Variants in CRPPA observed in about 807,000 individuals in gnomAD.
The protein encoded by CRPPA is D-ribitol-5-phosphate cytidylyltransferase.
Under a neutral mutation model 52.0 loss-of-function variants are expected in CRPPA, and 43 were observed. The observed-to-expected ratio is 0.83, with a 90% confidence interval of 0.65 to 1.07. The LOEUF (loss-of-function observed/expected upper bound fraction) is 1.07, where lower values mean the gene tolerates loss of function less well. CRPPA is among the 50% of genes least tolerant of loss of function. The pLI is 0.00. For missense variants in CRPPA, 629 were observed against 551.7 expected, an observed-to-expected ratio of 1.14 and a Z score of -1.40; for synonymous variants, 250 against 203.5, an observed-to-expected ratio of 1.23 and a Z score of -1.94.
chr7:16,253,766 A>G (rs1467520803), intron 8 of CRPPA, among the ~76,000 whole-genome samples: 1 of 152,200 alleles, frequency 6.6e-6, no homozygotes, highest in African/African-American at 2.4e-5. Context: ...GAGCTTCTGC[A>G]CAGCAAAAGA....
At chr7:16,123,380 C>T (rs1394802810) in intron 9 of CRPPA, among the ~76,000 whole-genome samples, 2 of 151,994 alleles carry the variant, frequency 1.3e-5, no homozygotes, top group Non-Finnish European at 2.9e-5. Flanking sequence ...ATAAGAGACT[C>T]AAATTTCAGA....
At chr7:16,344,511 T>C (rs1453031362) in intron 3 of CRPPA, among the ~76,000 whole-genome samples, 2 of 151,738 alleles carry the variant, frequency 1.3e-5, no homozygotes, top group African/African-American at 4.8e-5. Flanking sequence ...CAGTGAATTA[T>C]GATCATGCCA....
chr7:16,198,159 AG>A (rs1781777444), intron 9 of CRPPA, among the ~76,000 whole-genome samples: 1 of 43,406 alleles, frequency 2.3e-5, no homozygotes, highest in Admixed American at 2.7e-4. Context: ...TGTGCTGAGG[AG>A]GATTAGTAAA....
chr7:16,149,253 G>A (rs756938339), intron 9 of CRPPA, among the ~76,000 whole-genome samples: 4 of 152,152 alleles, frequency 2.6e-5, no homozygotes, highest in Non-Finnish European at 4.4e-5. Flanking sequence ...ATACTTTTCA[G>A]AGGAGCTATA....
At chr7:16,334,393 G>C (rs1399061435) in intron 3 of CRPPA, among the ~76,000 whole-genome samples, 2 of 152,170 alleles carry the variant, frequency 1.3e-5, no homozygotes, top group African/African-American at 4.8e-5. Flanking sequence ...CATAGAGGGA[G>C]AATCTGGACC....
chr7:16,421,136 G>T lies in CRPPA; in HGVS notation c.187C>A (p.Pro63Thr). 3 of 1,329,178 alleles carry T rather than the reference G, an allele frequency of 2.3e-6. No individual in the cohort carries two copies. Among genetic ancestry groups the T allele is most frequent in the Non-Finnish European group, 9.7e-7 (1 of 1,033,506 alleles). The allele number at this position is 1,329,178 out of a possible 1,614,324, so 82.3% of individuals were successfully genotyped here. A position where few individuals can be genotyped will look rare whatever the true frequency, so the allele number is the denominator to read the frequency against. ...AGGCGERMGV[P>T]TPKQFCPILE... is the part of the protein sequence containing the mutation. ...ATGGGGCAGAATTGCTTCGGGGTGG[G>T]GACCCCCATCCTCTCCCCGCACCCC... Residue 63 changes from proline (P) to threonine (T), a missense_variant, in exon 1 of 10, where the codon CCC becomes ACC. Transcript: ENST00000407010.
chr7:16,360,577 C>T (rs1484927386), intron 3 of CRPPA, among the ~76,000 whole-genome samples: 1 of 152,106 alleles, frequency 6.6e-6, no homozygotes, highest in African/African-American at 2.4e-5. Flanking sequence ...TGAACCCCCA[C>T]ATATATGTTC....
At chr7:16,265,895 G>T (rs1783940075) in intron 6 of CRPPA, among the ~76,000 whole-genome samples, 1 of 152,140 alleles carries the variant, frequency 6.6e-6, no homozygotes, top group Admixed American at 6.5e-5. Context: ...AGATTACACA[G>T]CCAGTAAGGG....
intron 9 of CRPPA, among the ~76,000 whole-genome samples, chr7:16,101,130 T>C (rs1782035260): frequency 1.3e-5 from 2 of 152,194 alleles, no homozygotes; most frequent in Non-Finnish European, 2.9e-5. Context: ...TTGTTGTGTC[T>C]CTGCCAGGTG....
At chr7:16,383,050 TGGA>T (rs1244305199) in intron 2 of CRPPA, among the ~76,000 whole-genome samples, 2 of 152,240 alleles carry the variant, frequency 1.3e-5, no homozygotes, top group African/African-American at 2.4e-5. Flanking sequence ...TGCGTTCCTT[TGGA>T]GGAGGAGAAG....
At chr7:16,186,075 C>T (rs79832303) in intron 9 of CRPPA, among the ~76,000 whole-genome samples, 5,821 of 152,234 alleles carry the variant, frequency 0.038, 373 homozygotes, top group African/African-American at 0.13. Flanking sequence ...AATCCATATG[C>T]ATACATACAT....
intron 3 of CRPPA, among the ~76,000 whole-genome samples, chr7:16,335,445 G>A (rs1157008207): frequency 6.6e-6 from 1 of 152,064 alleles, no homozygotes; most frequent in Non-Finnish European, 1.5e-5. Context: ...AAAATGAGAA[G>A]TTTGACAAAG....
At chr7:16,154,191 A>G (rs1783129854) in intron 9 of CRPPA, among the ~76,000 whole-genome samples, 1 of 151,968 alleles carries the variant, frequency 6.6e-6, no homozygotes, top group Non-Finnish European at 1.5e-5. Flanking sequence ...TTAAATATAA[A>G]TACATTTATT....
chr7:16,213,095 C>A (rs10275907), intron 9 of CRPPA, among the ~76,000 whole-genome samples: 5 of 151,930 alleles, frequency 3.3e-5, no homozygotes, highest in African/African-American at 1.2e-4. Flanking sequence ...GGTATTTTCA[C>A]ATTTCAACAA....
chr7:16,359,972 C>A (rs891242679), intron 3 of CRPPA, among the ~76,000 whole-genome samples: 2 of 152,130 alleles, frequency 1.3e-5, no homozygotes, highest in Non-Finnish European at 2.9e-5. Context: ...TTGTTGTTGT[C>A]CCCACTCTAG....
At chr7:16,414,250 G>A (rs573122419) in intron 1 of CRPPA, among the ~76,000 whole-genome samples, 3 of 152,094 alleles carry the variant, frequency 2.0e-5, no homozygotes, top group African/African-American at 7.2e-5. Flanking sequence ...CACCAAGTCT[G>A]AATAAGCATG....
intron 9 of CRPPA, among the ~76,000 whole-genome samples, chr7:16,150,283 G>T (rs1444511090): frequency 2.0e-5 from 3 of 151,992 alleles, no homozygotes; most frequent in Non-Finnish European, 4.4e-5. Flanking sequence ...AGAATAATCA[G>T]CAACTTTCTT....
intron 3 of CRPPA, among the ~76,000 whole-genome samples, chr7:16,354,491 G>A (rs1786245776): frequency 7.3e-6 from 1 of 136,664 alleles, no homozygotes; most frequent in Admixed American, 7.6e-5. Flanking sequence ...TTTGTGGTAG[G>A]GAACACACAG....
chr7:16,237,864 C>T (rs1165754810), intron 8 of CRPPA, among the ~76,000 whole-genome samples: 1 of 152,170 alleles, frequency 6.6e-6, no homozygotes, highest in African/African-American at 2.4e-5. Context: ...CTTCTTTGTC[C>T]ATATAGAAAT....
Sources: gnomAD v4.1 joint callset for allele counts (sites outside exome capture counted in the v4.1 genomes callset) on GRCh38, gnomAD v4.1.1 for gene constraint, MANE v1.5 for transcripts, NCBI Gene and HGNC (gene_info 2026-07-23, HGNC 2026-07-21) for gene names.